Variants in RMDN2 observed in about 807,000 individuals in gnomAD.
RMDN2 encodes regulator of microtubule dynamics protein 2.
Under a neutral mutation model 52.8 loss-of-function variants are expected in RMDN2, and 61 were observed. That is an observed-to-expected ratio of 1.16 (90% confidence interval 0.94 to 1.43). The LOEUF is 1.43. Ranked by LOEUF, RMDN2 falls within the 40% of genes most tolerant of loss-of-function variation. The pLI, the probability that RMDN2 is intolerant of heterozygous loss-of-function variation, is 0.00. For synonymous variants in RMDN2, 180 were observed against 153.1 expected (o/e 1.18, Z -1.30); for missense variants, 592 against 475.3 (o/e 1.25, Z -2.28).
chr2:38,023,703 C>T (rs1048912783), intron 10 of RMDN2, among the ~76,000 whole-genome samples: 5 of 152,152 alleles, frequency 3.3e-5, no homozygotes, highest in Admixed American at 1.3e-4. Context: ...ACTTGAAGTA[C>T]TGTGATTTTG....
chr2:37,925,738 G>A (rs892348294), intron 1 of RMDN2, among the ~76,000 whole-genome samples: 3 of 152,234 alleles, frequency 2.0e-5, no homozygotes, highest in Non-Finnish European at 4.4e-5. Flanking sequence ...TGCTGCCTCG[G>A]CCCGGCTGGT....
chr2:37,925,791 C>T (rs1023162202), intron 1 of RMDN2, among the ~76,000 whole-genome samples: 2 of 74 alleles, frequency 0.027, no homozygotes, highest in African/African-American at 0.071. Context: ...ACTTGCTGGG[C>T]TCTCGCTCGG....
chr2:37,926,027 C>T (rs1369923366), intron 1 of RMDN2, among the ~76,000 whole-genome samples: 40 of 152,316 alleles, frequency 2.6e-4, no homozygotes, highest in Non-Finnish European at 2.9e-5. Context: ...TTCGAAAGTA[C>T]CAGGTTTTCC....
chr2:38,022,331 G>A (rs1679446634), downstream of RMDN2, among the ~76,000 whole-genome samples: 1 of 152,184 alleles, frequency 6.6e-6, no homozygotes. Context: ...AGTGAGCCAT[G>A]GGGAATCTCG....
intron 10 of RMDN2, among the ~76,000 whole-genome samples, chr2:38,049,600 TCTCA>T (rs1374026875): frequency 6.6e-6 from 1 of 152,214 alleles, no homozygotes; most frequent in Non-Finnish European, 1.5e-5. Flanking sequence ...AGAGCCAAGG[TCTCA>T]CTCTGTCATC....
intron 2 of RMDN2, among the ~76,000 whole-genome samples, chr2:37,962,833 G>A (rs960322476): frequency 2.6e-5 from 4 of 152,260 alleles, no homozygotes; most frequent in Admixed American, 2.6e-4. Context: ...TTTTGGTGTA[G>A]GCACCCGAGG....
At chr2:37,989,519 T>C in intron 5 of RMDN2, 22 bp from the exon 6 acceptor site, 1 of 1,570,632 alleles carries the variant, frequency 6.4e-7, no homozygotes, top group East Asian at 2.2e-5. Flanking sequence ...CCACTGTTTT[T>C]GTCTGTTTTT....
upstream of RMDN2, among the ~76,000 whole-genome samples, chr2:37,922,385 A>G (rs964391342): frequency 6.6e-6 from 1 of 151,340 alleles, no homozygotes; most frequent in African/African-American, 2.4e-5. Context: ...TTGTCATTCA[A>G]TTGCTTCCTG....
chr2:37,993,123 C>T (rs1230123573), intron 7 of RMDN2, among the ~76,000 whole-genome samples: 1 of 152,074 alleles, frequency 6.6e-6, no homozygotes, highest in Admixed American at 6.5e-5. Flanking sequence ...CGGAGTTTCG[C>T]CATGTTGGCC....
intron 2 of RMDN2, among the ~76,000 whole-genome samples, chr2:37,931,352 CATT>C (rs1309015166): frequency 6.6e-6 from 1 of 152,188 alleles, no homozygotes; most frequent in African/African-American, 2.4e-5. Context: ...CATTGAGCAT[CATT>C]GAGAGTTATC....
intron 10 of RMDN2, among the ~76,000 whole-genome samples, chr2:38,044,496 T>G (rs1179672807): frequency 5.9e-5 from 9 of 152,084 alleles, no homozygotes; most frequent in Admixed American, 6.6e-5. Flanking sequence ...CCTTTTGTTA[T>G]TCCCATTTCC....
intron 2 of RMDN2, among the ~76,000 whole-genome samples, chr2:37,968,426 G>A (rs545701965): frequency 6.1e-5 from 8 of 130,598 alleles, no homozygotes; most frequent in East Asian, 4.4e-4. Flanking sequence ...GTGACAGAGC[G>A]AGACTCTGTC....
At chr2:37,948,411 T>G (rs1007294930) in intron 2 of RMDN2, among the ~76,000 whole-genome samples, 2 of 151,848 alleles carry the variant, frequency 1.3e-5, no homozygotes, top group Admixed American at 6.6e-5. Flanking sequence ...CTGACCTAGG[T>G]GAGAATAGAG....
At chr2:37,956,652 T>C (rs1025196343) in intron 2 of RMDN2, among the ~76,000 whole-genome samples, 2 of 151,932 alleles carry the variant, frequency 1.3e-5, no homozygotes, top group Non-Finnish European at 2.9e-5. Context: ...TCTTTTTTTT[T>C]CTTCTTTTTT....
intron 10 of RMDN2, among the ~76,000 whole-genome samples, chr2:38,025,211 G>A (rs530178533): frequency 1.1e-4 from 17 of 151,994 alleles, no homozygotes; most frequent in African/African-American, 4.1e-4. Flanking sequence ...CAATGTACAG[G>A]TCTTTCACAT....
chr2:37,981,105 C>T (rs1673254139), intron 4 of RMDN2, among the ~76,000 whole-genome samples, 178 bp from the exon 5 acceptor site: 1 of 152,180 alleles, frequency 6.6e-6, no homozygotes. Context: ...GGCCCCAATC[C>T]CACAGTGTGT....
rs762150178 is a variant in RMDN2 at position 37,929,584 on chromosome 2, C to T, written c.307C>T (p.Leu103=). The part of the protein sequence containing the change: ...IRFLKEAIPK[L]EEYIQDELGG... ...ATTTCTTAAAGAAGCTATTCCAAAG[C>T]TGGAGGAATATATACAAGATGAACT... The change falls in exon 2 of 11, where the codon CTG becomes TTG. Residue 103 remains leucine (L), a synonymous_variant. Transcript: ENST00000354545. The T allele has an allele frequency of 1.9e-6, 3 of 1,551,708 alleles. No homozygotes were observed. The South Asian group carries it at 3.6e-5, about 18-fold the overall frequency.
At chr2:37,987,929 C>T (rs559487465) in intron 5 of RMDN2, among the ~76,000 whole-genome samples, 53 of 152,186 alleles carry the variant, frequency 3.5e-4, no homozygotes, top group African/African-American at 1.2e-3. Flanking sequence ...CATGGTGGCA[C>T]ATGCCTGTAG....
At chr2:37,937,278 C>A (rs1456027951) in intron 2 of RMDN2, among the ~76,000 whole-genome samples, 1 of 152,118 alleles carries the variant, frequency 6.6e-6, no homozygotes, top group African/African-American at 2.4e-5. Context: ...TGTTTTGGTA[C>A]CAGTACCATG....
Sources: allele counts gnomAD v4.1 joint callset (sites outside exome capture counted in the v4.1 genomes callset), GRCh38; gene constraint gnomAD v4.1.1; transcripts MANE v1.5; gene names NCBI Gene and HGNC (gene_info 2026-07-23, HGNC 2026-07-21).